RIMS1: variants seen among roughly 807,000 people sequenced by gnomAD.
RIMS1 encodes regulating synaptic membrane exocytosis protein 1.
RIMS1 carries 83 observed loss-of-function variants against 214.1 expected under a neutral mutation model. That is an observed-to-expected ratio of 0.39 (90% confidence interval 0.32 to 0.47). RIMS1 has a LOEUF of 0.47. RIMS1 is among the 20% of genes least tolerant of loss of function. RIMS1 has a pLI of 0.99. For synonymous variants in RIMS1, 793 were observed against 786.8 expected, an observed-to-expected ratio of 1.01 and a Z score of -0.13; for missense variants, 2,050 against 2,161.8, an observed-to-expected ratio of 0.95 and a Z score of 1.03.
At chr6:72,089,995 G>T (rs1835759113) in intron 2 of RIMS1, among the ~76,000 whole-genome samples, 1 of 130,292 alleles carries the variant, frequency 7.7e-6, no homozygotes, top group South Asian at 2.6e-4. Flanking sequence ...ACAGGAAGGA[G>T]AATATCACAC....
chr6:72,122,145 G>C (rs1190014623), intron 4 of RIMS1, among the ~76,000 whole-genome samples: 1 of 150,570 alleles, frequency 6.6e-6, no homozygotes, highest in African/African-American at 2.4e-5. Flanking sequence ...GCCAGGCTTT[G>C]GTATCAGGAT....
At chr6:71,967,534 A>G (rs1193917806) in intron 1 of RIMS1, among the ~76,000 whole-genome samples, 3 of 152,198 alleles carry the variant, frequency 2.0e-5, no homozygotes, top group African/African-American at 4.8e-5. Context: ...ATCCTAGGAC[A>G]TTACACTTCC....
chr6:72,316,572 G>C (rs2095809797), intron 28 of RIMS1: 1 of 402,206 alleles, frequency 2.5e-6, no homozygotes, highest in Non-Finnish European at 4.8e-6. Context: ...GGTGGAGGGA[G>C]GAGGAGCCCC....
At chr6:72,110,670 T>G (rs1040998970) in intron 4 of RIMS1, among the ~76,000 whole-genome samples, 4 of 151,282 alleles carry the variant, frequency 2.6e-5, no homozygotes, top group South Asian at 2.1e-4. Context: ...TGACTTCCTC[T>G]TTTCCTAATT....
chr6:72,148,711 G>C (rs62408084), intron 4 of RIMS1: 1 of 287,138 alleles, frequency 3.5e-6, no homozygotes, highest in African/African-American at 9.6e-5. Flanking sequence ...GCGGAGACTT[G>C]GGTTTTTTTT....
At chr6:71,916,585 T>A (rs1358064890) in intron 1 of RIMS1, among the ~76,000 whole-genome samples, 2 of 152,170 alleles carry the variant, frequency 1.3e-5, no homozygotes, top group South Asian at 4.1e-4. Flanking sequence ...TATAAAATTA[T>A]TATTGCTCTG....
Position 72,333,587 on chromosome 6 carries a change from T to C in RIMS1, c.4131-13T>C. ...TTTATGGATGCATATATGTTTTTACTTTGTAAATATAGTTCATTTACCCCC... is the reference window on the plus strand; with the variant it reads ...TTTATGGATGCATATATGTTTTTACCTTGTAAATATAGTTCATTTACCCCC... On this transcript the variant is annotated splice_polypyrimidine_tract_variant and intron_variant, in intron 28 of 33. Transcript: ENST00000521978. 1 of 1,551,832 alleles carries C rather than the reference T, an allele frequency of 6.4e-7. No homozygotes were observed. The highest frequency in any genetic ancestry group is 8.8e-7 in the Non-Finnish European group (1 of 1,142,696).
In RIMS1 at chr6:72,136,412, GA is replaced by G. The variant is rs547697496; in HGVS notation, c.471+36435del. Among the ~76,000 whole-genome samples, 410 of 148,382 alleles carry G rather than the reference GA, an allele frequency of 2.8e-3. 5 individuals are homozygous for G. Among genetic ancestry groups the G allele is most frequent in the South Asian group, 0.013 (60 of 4,666 alleles). On this transcript the variant is annotated intron_variant, in intron 4 of 33. Coordinates refer to ENST00000521978, the MANE Select transcript of RIMS1 (RefSeq NM_014989.7). The stretch of plus-strand genomic sequence containing the variant: ...ACAGAAGAATCCTAAAATATTTCAA[GA>G]AAAAAAAATGAAAAGGTTTACTTAC...
intron 2 of RIMS1, among the ~76,000 whole-genome samples, chr6:71,979,769 T>TA (rs1480345931): frequency 2.0e-5 from 3 of 152,192 alleles, no homozygotes; most frequent in African/African-American, 7.2e-5. Flanking sequence ...AAATGCTCCT[T>TA]ACTATGCATG....
intron 6 of RIMS1, among the ~76,000 whole-genome samples, chr6:72,187,496 G>A (rs1314373602): frequency 1.0e-4 from 3 of 29,614 alleles, no homozygotes; most frequent in African/African-American, 4.2e-4. Flanking sequence ...TTTTTTTTTT[G>A]GAGACAGAGT....
At chr6:72,165,758 T>C (rs540622969) in intron 4 of RIMS1, among the ~76,000 whole-genome samples, 3 of 152,006 alleles carry the variant, frequency 2.0e-5, no homozygotes, top group African/African-American at 7.2e-5. Flanking sequence ...GGAGAAAAAA[T>C]GCTGCTAGTA....
chr6:72,307,336 C>G lies in RIMS1; in HGVS notation c.3929C>G (p.Ser1310Cys), dbSNP rs756053102. The change falls in exon 27 of 34, where the codon TCT (serine) becomes TGT (cysteine). Residue 1310 changes from serine to cysteine, a missense_variant. By Grantham distance (112) the Ser-to-Cys change is moderately radical (BLOSUM62 -1). Around this residue, in one of 6 missense-constraint regions of RIMS1, gnomAD observed 889 missense variants for 885.5 expected, o/e 1.00. Transcript: ENST00000521978. ...HRFKQTTGSG[S>C]SQELDREQYS... ...TTTAAGCAGACAACAGGGTCTGGTT[C>G]TAGTCAAGAACTTGATCGCGAGCAA... 3.7e-6 allele frequency: 6 copies of G among 1,603,938 alleles called. No individual in the cohort carries two copies. Among genetic ancestry groups the G allele is most frequent in the Non-Finnish European group, 1.7e-6 (2 of 1,175,166 alleles).
At chr6:72,220,832 C>T (rs78376073) in intron 6 of RIMS1, among the ~76,000 whole-genome samples, 11,159 of 151,964 alleles carry the variant, frequency 0.073, 480 homozygotes, top group Non-Finnish European at 0.1. Flanking sequence ...TTGACAAATA[C>T]GTTGTGATTT....
At chr6:72,379,290 A>C (rs2098445384) in intron 29 of RIMS1, among the ~76,000 whole-genome samples, 1 of 152,248 alleles carries the variant, frequency 6.6e-6, no homozygotes, top group Admixed American at 6.5e-5. Flanking sequence ...AGGCTTCGCC[A>C]GCTTCATCAA....
chr6:72,372,182 G>T (rs2098240347), intron 29 of RIMS1, among the ~76,000 whole-genome samples: 2 of 152,188 alleles, frequency 1.3e-5, no homozygotes, highest in South Asian at 4.1e-4. Context: ...ATAAACATGT[G>T]TTGGTGAGAA....
intron 2 of RIMS1, 128 bp downstream of exon 2, chr6:71,969,191 C>T (rs1159652606): frequency 2.3e-6 from 2 of 868,812 alleles, no homozygotes; most frequent in Non-Finnish European, 3.9e-6. Flanking sequence ...AAAAAGGCTA[C>T]TGTTGAATTA....
chr6:72,040,624 G>C (rs956274861), intron 2 of RIMS1, among the ~76,000 whole-genome samples: 9 of 151,830 alleles, frequency 5.9e-5, no homozygotes, highest in Non-Finnish European at 1.3e-4. Flanking sequence ...TATGTAAGTA[G>C]TTTTAGGATG....
intron 28 of RIMS1, among the ~76,000 whole-genome samples, chr6:72,315,570 T>C (rs2095734709): frequency 6.6e-6 from 1 of 152,160 alleles, no homozygotes; most frequent in Non-Finnish European, 1.5e-5. Flanking sequence ...TTAGAATAAT[T>C]AGGAAGAATA....
chr6:72,187,636 G>A (rs929567992), intron 6 of RIMS1, among the ~76,000 whole-genome samples: 1 of 151,846 alleles, frequency 6.6e-6, no homozygotes, highest in Non-Finnish European at 1.5e-5. Flanking sequence ...TGGGACTGTA[G>A]GTGCGTACCA....
Sources: allele counts gnomAD v4.1 joint callset (sites outside exome capture counted in the v4.1 genomes callset), GRCh38; gene constraint gnomAD v4.1.1; regional missense constraint gnomAD v4.1.1; transcripts MANE v1.5; gene names NCBI Gene and HGNC (gene_info 2026-07-23, HGNC 2026-07-21).